Variants in ZWILCH observed in about 807,000 individuals in gnomAD.
The protein encoded by ZWILCH is protein zwilch homolog.
A neutral mutation model predicts 79.9 loss-of-function variants in ZWILCH; 74 were observed. The ratio of observed to expected loss-of-function variants is 0.93; its 90% CI spans 0.77 to 1.12. The LOEUF is 1.12. ZWILCH is among the 50% of genes most tolerant of loss of function. The pLI is 0.00. For synonymous variants in ZWILCH, 241 were observed against 228.2 expected (o/e 1.06, Z -0.51); for missense variants, 694 against 687.5 (o/e 1.01, Z -0.11).
rs1895535885 is a variant in ZWILCH, at chr15:66,549,987, G to T, written c.*1663G>T. ...CATTTTGAGATTTTGAAAATGATATGTATAATTATTTAGTTTAATTATTAA... is the reference window on the plus strand; with the variant it reads ...CATTTTGAGATTTTGAAAATGATATTTATAATTATTTAGTTTAATTATTAA... On this transcript the variant is annotated 3_prime_UTR_variant, in exon 19 of 19. Coordinates refer to ENST00000307897, the MANE Select transcript of ZWILCH (RefSeq NM_017975.5). 2.5e-6 allele frequency: 3 copies of T among 1,195,160 alleles called. No homozygotes were observed. Among genetic ancestry groups the T allele is most frequent in the Admixed American group, 2.4e-5 (1 of 42,424 alleles). The allele number at this position is 1,195,160 out of a possible 1,614,324, so 74.0% of individuals were successfully genotyped here. A position where few individuals can be genotyped will look rare whatever the true frequency, so the allele number is the denominator to read the frequency against.
chr15:66,515,274 A>G (rs1344846706), intron 3 of ZWILCH, among the ~76,000 whole-genome samples: 1 of 152,184 alleles, frequency 6.6e-6, no homozygotes, highest in Non-Finnish European at 1.5e-5. Context: ...TAAAAGCATC[A>G]GTTGCTTCCT....
intron 1 of ZWILCH, 153 bp downstream of exon 1, chr15:66,505,544 C>T: frequency 1.2e-6 from 1 of 834,898 alleles, no homozygotes; most frequent in Non-Finnish European, 1.9e-6. Context: ...CGGTTCTCGG[C>T]TCCGGTGTGG....
At chr15:66,545,320 C>T (rs946145490) in intron 17 of ZWILCH, among the ~76,000 whole-genome samples, 1 of 152,048 alleles carries the variant, frequency 6.6e-6, no homozygotes, top group African/African-American at 2.4e-5. Flanking sequence ...CGCCATTGCA[C>T]TCCAGCCTGG....
At position 66,523,726 on chromosome 15, in the gene ZWILCH, A is replaced by T. The variant is rs762997367; in HGVS notation, c.797A>T (p.Tyr266Phe). 1 of 1,611,364 alleles carries T rather than the reference A, an allele frequency of 6.2e-7. No homozygotes were observed. Among genetic ancestry groups the T allele is most frequent in the East Asian group, 2.2e-5 (1 of 44,820 alleles). ...GEPRGPLNHL[Y>F]RELKFLLVLA... ...CCCAGAGGTCCTTTGAATCATCTCT[A>T]CAGAGAACTGAAATTTCTTCTTGTG... The change falls in exon 8 of 19, where the codon TAC becomes TTC. Residue 266 changes from tyrosine to phenylalanine, a missense_variant. By Grantham distance (22) the Tyr-to-Phe change is conservative. Transcript: ENST00000307897.
chr15:66,540,282 C>T (rs1309387137), intron 17 of ZWILCH, 72 bp downstream of exon 17: 29 of 1,260,256 alleles, frequency 2.3e-5, no homozygotes, highest in South Asian at 7.8e-5. Context: ...CTGGGCACAG[C>T]GGCTCACGCC....
intron 17 of ZWILCH, among the ~76,000 whole-genome samples, chr15:66,545,586 G>A (rs1261048816): frequency 1.3e-5 from 2 of 152,108 alleles, no homozygotes; most frequent in Non-Finnish European, 2.9e-5. Context: ...ATGAAAATAA[G>A]GAATTCTTAT....
chr15:66,543,480 A>T (rs1215897890), intron 17 of ZWILCH, among the ~76,000 whole-genome samples: 8 of 152,202 alleles, frequency 5.3e-5, no homozygotes, highest in Admixed American at 1.3e-4. Context: ...AGCTAGGTGC[A>T]TTGGCTCACG....
At chr15:66,536,196 G>A in intron 15 of ZWILCH, 127 bp downstream of exon 15, 4 of 801,732 alleles carry the variant, frequency 5.0e-6, no homozygotes, top group Non-Finnish European at 7.4e-6. Context: ...ACAGTAGCAT[G>A]CATGAGTCTA....
rs778515059 is a variant in ZWILCH, at chr15:66,529,553, C to T, written c.1135C>T (p.Arg379Cys). ...CFTLIIQSLQ[R>C]GDIQPWLHSG... Reference sequence around the variant, plus strand: ...CACATTGATCATCCAGAGTCTACAACGTGGTGATATACAGCCATGGGTAGG... The same window carrying T: ...CACATTGATCATCCAGAGTCTACAATGTGGTGATATACAGCCATGGGTAGG... The change falls in exon 12 of 19, where the codon CGT becomes TGT. Residue 379 changes from arginine (R) to cysteine (C), a missense_variant. By Grantham distance (180) the Arg-to-Cys change is radical (BLOSUM62 -3). Coordinates refer to ENST00000307897, the MANE Select transcript of ZWILCH (RefSeq NM_017975.5). 5 of 1,613,566 alleles carry T rather than the reference C, an allele frequency of 3.1e-6. No individual in the cohort carries two copies. The highest frequency in any genetic ancestry group is 1.3e-5 in the African/African-American group (1 of 74,902).
intron 7 of ZWILCH, 56 bp from the exon 8 acceptor site, chr15:66,523,621 A>T: frequency 9.0e-7 from 1 of 1,108,924 alleles, no homozygotes; most frequent in African/African-American, 1.6e-5. Flanking sequence ...TATAACACTT[A>T]TGTAGAGAAG....
chr15:66,511,632 T>A (rs984040035), intron 2 of ZWILCH, among the ~76,000 whole-genome samples: 8 of 152,060 alleles, frequency 5.3e-5, no homozygotes, highest in East Asian at 3.8e-4. Context: ...TTCTTTTTTT[T>A]ATTTGAGATG....
At position 66,546,712 on chromosome 15, in the gene ZWILCH, A is replaced by G. The variant is rs189651551; in HGVS notation, c.*26+7A>G. 5 of 1,481,778 alleles carry G rather than the reference A, an allele frequency of 3.4e-6. No individual in the cohort carries two copies. In the African/African-American group the frequency reaches 5.6e-5, roughly 17 times the overall value. 91.8% of individuals were successfully genotyped at this position (1,481,778 alleles called of 1,614,324 possible). ...TGATGAAGTCCTCTATAAGGTATTT[A>G]TGTTCACATTTTAGTCTCTTTGTCA... On this transcript the variant is annotated splice_region_variant and intron_variant, in intron 18 of 18. Coordinates refer to ENST00000307897, the MANE Select transcript of ZWILCH (RefSeq NM_017975.5).
intron 1 of ZWILCH, among the ~76,000 whole-genome samples, chr15:66,508,522 G>T (rs78814089): frequency 0.013 from 1,980 of 152,300 alleles, 35 homozygotes; most frequent in African/African-American, 0.045. Context: ...TTTAACTGGT[G>T]ATGTGTTTGA....
intron 8 of ZWILCH, among the ~76,000 whole-genome samples, chr15:66,526,927 C>T (rs924680157): frequency 1.3e-5 from 2 of 152,142 alleles, no homozygotes; most frequent in Non-Finnish European, 2.9e-5. Context: ...CAGGGCAAAC[C>T]CAGTATCCTC....
In ZWILCH at chr15:66,527,300, A is replaced by G. The variant is rs1447954222; in HGVS notation, c.830A>G (p.Asp277Gly). 3.1e-6 allele frequency: 5 copies of G among 1,613,752 alleles called. No homozygotes were observed. In the East Asian group the frequency reaches 8.9e-5, roughly 29 times the overall value. The change falls in exon 9 of 19, where the codon GAT becomes GGT. Residue 277 changes from aspartate to glycine, a missense_variant. Coordinates refer to ENST00000307897, the MANE Select transcript of ZWILCH (RefSeq NM_017975.5). Reference sequence around the variant, plus strand: ...TTAAATCTCCTGTAGGTTTTGGCTGATGGTTTGAGGACTGGTGTCACTGAA... The same window carrying G: ...TTAAATCTCCTGTAGGTTTTGGCTGGTGGTTTGAGGACTGGTGTCACTGAA... ...RELKFLLVLA[D>G]GLRTGVTEWL...
intron 7 of ZWILCH, among the ~76,000 whole-genome samples, chr15:66,522,331 C>CTTTTT (rs1292788536): frequency 8.1e-5 from 11 of 135,820 alleles, no homozygotes; most frequent in African/African-American, 1.4e-4. Flanking sequence ...AGATTTCTTT[C>CTTTTT]TTTTTTTTTT....
intron 7 of ZWILCH, among the ~76,000 whole-genome samples, chr15:66,522,235 G>C (rs1210565635): frequency 6.6e-6 from 1 of 151,652 alleles, no homozygotes; most frequent in Admixed American, 6.6e-5. Flanking sequence ...AAAAATTCAT[G>C]TGTAAGATAT....
chr15:66,540,155 A>C lies in ZWILCH; in HGVS notation c.1632A>C (p.Thr544=). 1.2e-6 allele frequency: 2 copies of C among 1,613,874 alleles called. No individual in the cohort carries two copies. Among genetic ancestry groups the C allele is most frequent in the Non-Finnish European group, 1.7e-6 (2 of 1,179,836 alleles). ...EIYSGQKKIK[T]VWQLSDSSPI... ...ATAGTGGTCAAAAGAAGATTAAGAC[A>C]GTTTGGCAACTGAGTGACAGCTCAC... Residue 544 remains threonine (T), a synonymous_variant, in exon 17 of 19, where the codon ACA becomes ACC. Coordinates refer to ENST00000307897, the MANE Select transcript of ZWILCH (RefSeq NM_017975.5).
chr15:66,514,717 C>T (rs765394643), intron 3 of ZWILCH, among the ~76,000 whole-genome samples: 1 of 152,104 alleles, frequency 6.6e-6, no homozygotes, highest in African/African-American at 2.4e-5. Context: ...TGAAAAACTC[C>T]CTTGTTGTTA....
Sources: gnomAD v4.1 joint callset for allele counts (sites outside exome capture counted in the v4.1 genomes callset) on GRCh38, gnomAD v4.1.1 for gene constraint, MANE v1.5 for transcripts, NCBI Gene and HGNC (gene_info 2026-07-23, HGNC 2026-07-21) for gene names.